Variants in OR51B5 observed in about 807,000 individuals in gnomAD.
The protein encoded by OR51B5 is olfactory receptor 51B5.
For missense variants in OR51B5, 456 were observed against 374.6 expected, an observed-to-expected ratio of 1.22 and a Z score of -1.79; for synonymous variants, 186 against 144.8, an observed-to-expected ratio of 1.28 and a Z score of -2.04.
chr11:5,440,616 T>A (rs1170802032), intron 1 of OR51B5: 1 of 1,613,750 alleles, frequency 6.2e-7, no homozygotes, highest in Non-Finnish European at 8.5e-7. Flanking sequence ...TTTGCGGATC[T>A]CCTTGGTTTT....
intron 1 of OR51B5, among the ~76,000 whole-genome samples, chr11:5,412,177 T>C (rs189652342): frequency 1.3e-5 from 2 of 152,344 alleles, no homozygotes; most frequent in East Asian, 3.9e-4. Context: ...ACAGATATGG[T>C]AGTCCTTCTG....
At chr11:5,415,767 A>G (rs904144567) in intron 1 of OR51B5, among the ~76,000 whole-genome samples, 3 of 152,164 alleles carry the variant, frequency 2.0e-5, no homozygotes, top group African/African-American at 7.2e-5. Context: ...CAGGAGCTGA[A>G]ATTGTGGCAA....
chr11:5,423,680 A>G (rs1190338739), intron 1 of OR51B5, among the ~76,000 whole-genome samples: 1 of 152,168 alleles, frequency 6.6e-6, no homozygotes, highest in East Asian at 1.9e-4. Flanking sequence ...AGATTTACCT[A>G]ATTAACACCA....
intron 1 of OR51B5, among the ~76,000 whole-genome samples, chr11:5,356,860 C>A (rs189224202): frequency 0.02 from 2,719 of 138,628 alleles, 213 homozygotes; most frequent in African/African-American, 0.056. Context: ...CACAGAATTT[C>A]ATATCCAGCC....
At chr11:5,383,593 A>G (rs2133721036) in intron 1 of OR51B5, among the ~76,000 whole-genome samples, 1 of 152,380 alleles carries the variant, frequency 6.6e-6, no homozygotes, top group South Asian at 2.1e-4. Context: ...AAAAATAAAC[A>G]GATAAGGCAG....
At chr11:5,386,185 TAGA>T (rs992697940) in intron 1 of OR51B5, among the ~76,000 whole-genome samples, 1 of 151,988 alleles carries the variant, frequency 6.6e-6, no homozygotes, top group Non-Finnish European at 1.5e-5. Context: ...GCAATAAATA[TAGA>T]AGAATAAAAA....
intron 1 of OR51B5, chr11:5,390,124 C>G: frequency 6.2e-7 from 1 of 1,613,798 alleles, no homozygotes; most frequent in Middle Eastern, 1.6e-4. Flanking sequence ...GCCTGGCCTC[C>G]CAAGAGGAGC....
intron 1 of OR51B5, among the ~76,000 whole-genome samples, chr11:5,381,603 T>C (rs959885618): frequency 6.6e-6 from 1 of 152,258 alleles, no homozygotes; most frequent in Non-Finnish European, 1.5e-5. Flanking sequence ...TTAATCTGTC[T>C]ATCTTCAAGT....
chr11:5,388,424 A>AT lies in OR51B5; in HGVS notation n.85-41515dup, dbSNP rs1849735574. 2.0e-5 allele frequency among the ~76,000 whole-genome samples: 3 copies of AT among 151,740 alleles called. 1 individual carries two copies. The South Asian group carries it at 6.3e-4, about 32-fold the overall frequency. The stretch of plus-strand genomic sequence containing the variant: ...TTAAGAAGGCCTTCTGAAGGACATC[A>AT]TATCTAAGCTAAGGTGGGTTATATT... On this transcript the variant is annotated intron_variant and non_coding_transcript_variant, in intron 1 of 4. Transcript: ENST00000415970.
At chr11:5,409,911 C>T (rs927291381) in intron 1 of OR51B5, among the ~76,000 whole-genome samples, 3 of 47,150 alleles carry the variant, frequency 6.4e-5, no homozygotes, top group Non-Finnish European at 1.5e-4. Flanking sequence ...AGGAAAATGT[C>T]TCATCTTTAA....
chr11:5,440,666 C>G (rs1850665594), intron 1 of OR51B5: 2 of 1,613,880 alleles, frequency 1.2e-6, no homozygotes, highest in Non-Finnish European at 1.7e-6. Flanking sequence ...GTGGTACAAA[C>G]AGGTAGACAT....
rs576542350 is a variant in OR51B5 at position 5,477,931 on chromosome 11, G to A, written n.84+27638C>T. On this transcript the variant is annotated intron_variant and non_coding_transcript_variant, in intron 1 of 4. Coordinates refer to the OR51B5 transcript ENST00000415970. ...AAACTGCAAGGCAGCAGGGAGGCTG[G>A]GGAGGGGCGCCCGCCATTGCCCAGG... 3.5e-3 allele frequency among the ~76,000 whole-genome samples: 536 copies of A among 152,010 alleles called. 2 individuals are homozygous for A. The highest frequency in any genetic ancestry group is 4.1e-3 in the Non-Finnish European group (276 of 67,860).
At chr11:5,343,661 TTGTTTCTCAAAA>T, upstream of OR51B5, 7 of 539,522 alleles carry the variant, frequency 1.3e-5, no homozygotes, top group South Asian at 2.2e-4. Context: ...ATATAAGTGA[TTGTTTCTCAAAA>T]TACATTCTCA....
rs895721837 is a variant in OR51B5 at position 5,386,128 on chromosome 11, G to A, written n.85-39218C>T. Among the ~76,000 whole-genome samples, 8 of 152,154 alleles carry A rather than the reference G, an allele frequency of 5.3e-5. No homozygotes were observed. In the South Asian group the frequency reaches 6.2e-4, roughly 12 times the overall value. ...ATTTGTACTAAGTCTTAAAGGATCC[G>A]CAAGTGTTTACTGGTTGGAAAAACA... On this transcript the variant is annotated intron_variant and non_coding_transcript_variant, in intron 1 of 4. Transcript: ENST00000415970.
In OR51B5 at chr11:5,412,922, C is replaced by T. The variant is rs190063147; in HGVS notation, n.85-66012G>A. On this transcript the variant is annotated intron_variant and non_coding_transcript_variant, in intron 1 of 4. Transcript: ENST00000415970. ...TGCAGACTTAAATGTCCCTGTCTGA[C>T]AGCCTTGAAAAGAGCAGTGGTTCTC... is the stretch of plus-strand genomic sequence containing the variant. Among the ~76,000 whole-genome samples the T allele has an allele frequency of 3.9e-3, 593 of 152,138 alleles. 6 individuals are homozygous for T. Among genetic ancestry groups the T allele is most frequent in the African/African-American group, 0.013 (556 of 41,546 alleles).
intron 1 of OR51B5, among the ~76,000 whole-genome samples, chr11:5,411,200 G>A (rs989078582): frequency 6.6e-6 from 1 of 152,154 alleles, no homozygotes; most frequent in African/African-American, 2.4e-5. Flanking sequence ...CTATTCAGGT[G>A]TATCATTGTT....
At position 5,389,370 on chromosome 11, in the gene OR51B5, C is replaced by G. The variant is rs191692514; in HGVS notation, n.85-42460G>C. 3.1e-6 allele frequency: 5 copies of G among 1,597,686 alleles called. No individual in the cohort carries two copies. In the South Asian group the frequency reaches 5.6e-5, roughly 18 times the overall value. On this transcript the variant is annotated intron_variant and non_coding_transcript_variant, in intron 1 of 4. Transcript: ENST00000415970. ...CTGAAGAATTAATAACCAGAAATAT[C>G]CATTTATTTTCAGCTCAATCCCCGA... is the stretch of plus-strand genomic sequence containing the variant.
In OR51B5 at chr11:5,441,216, AG is replaced by A; in HGVS notation, n.84+64352del. The A allele has an allele frequency of 2.5e-6, 4 of 1,614,024 alleles. No individual in the cohort carries two copies. In the South Asian group the frequency reaches 4.4e-5, roughly 18 times the overall value. On this transcript the variant is annotated intron_variant and non_coding_transcript_variant, in intron 1 of 4. Transcript: ENST00000415970. ...AGTGTGGATGAAGAACATCTGGACC[AG>A]GCAAGCATTAAACGCAACATGGTTG... is the stretch of plus-strand genomic sequence containing the variant.
intron 1 of OR51B5, among the ~76,000 whole-genome samples, chr11:5,413,160 A>T (rs1850178475): frequency 6.6e-6 from 1 of 152,242 alleles, no homozygotes; most frequent in African/African-American, 2.4e-5. Context: ...ACTGCTGCTG[A>T]TACCCAGGCA....
Sources: gnomAD v4.1 joint callset for allele counts (sites outside exome capture counted in the v4.1 genomes callset) on GRCh38, gnomAD v4.1.1 for gene constraint, MANE v1.5 for transcripts, NCBI Gene and HGNC (gene_info 2026-07-23, HGNC 2026-07-21) for gene names.